Variants in MBD5 observed in about 807,000 individuals in gnomAD.
The protein encoded by MBD5 is methyl-CpG binding domain protein 5, also known as methyl-CpG-binding domain protein 5.
MBD5 carries 13 observed loss-of-function variants against 117.3 expected under a neutral mutation model. The observed-to-expected ratio is 0.11, with a 90% CI of 0.07 to 0.18. The LOEUF (loss-of-function observed/expected upper bound fraction) is 0.18, where lower values mean the gene tolerates loss of function less well. Among genes scored for constraint, MBD5 ranks in the 10% least tolerant of loss-of-function variants. The pLI is 1.00. For synonymous variants in MBD5, 727 were observed against 766.4 expected (o/e 0.95, Z 0.85); for missense variants, 1,879 against 2,093.8 (o/e 0.90, Z 2.00).
chr2:148,048,899 T>C (rs1694617151), intron 1 of MBD5, among the ~76,000 whole-genome samples: 2 of 152,134 alleles, frequency 1.3e-5, no homozygotes, highest in East Asian at 3.9e-4. Flanking sequence ...TGTCTCATCC[T>C]GGGATGTTGG....
intron 4 of MBD5, among the ~76,000 whole-genome samples, chr2:148,431,297 A>G (rs1327295892): frequency 6.6e-6 from 1 of 152,158 alleles, no homozygotes; most frequent in African/African-American, 2.4e-5. Flanking sequence ...AATTAGACCA[A>G]TAAATATTAC....
At chr2:148,423,368 A>G (rs1261997334) in intron 4 of MBD5, among the ~76,000 whole-genome samples, 1 of 152,208 alleles carries the variant, frequency 6.6e-6, no homozygotes, top group African/African-American at 2.4e-5. Context: ...TTACATTTCA[A>G]TAAAATATTT....
At chr2:148,228,891 T>C (rs1185813208) in intron 2 of MBD5, among the ~76,000 whole-genome samples, 1 of 152,234 alleles carries the variant, frequency 6.6e-6, no homozygotes, top group Admixed American at 6.5e-5. Flanking sequence ...TCTAATTTAT[T>C]TGCATAGAGG....
chr2:148,403,057 G>A (rs1016555869), intron 4 of MBD5, among the ~76,000 whole-genome samples: 1 of 151,740 alleles, frequency 6.6e-6, no homozygotes, highest in Non-Finnish European at 1.5e-5. Flanking sequence ...CTCATCTAGT[G>A]TATTTTTATC....
At chr2:148,197,255 A>T (rs1454208572) in intron 2 of MBD5, among the ~76,000 whole-genome samples, 1 of 152,176 alleles carries the variant, frequency 6.6e-6, no homozygotes, top group Non-Finnish European at 1.5e-5. Context: ...CTGCAACCAC[A>T]CCAAGCATGT....
chr2:148,260,930 G>A (rs1412255379), intron 3 of MBD5, among the ~76,000 whole-genome samples: 3 of 152,138 alleles, frequency 2.0e-5, no homozygotes, highest in Non-Finnish European at 4.4e-5. Flanking sequence ...AAACACATTC[G>A]TCTCTTTGTA....
intron 4 of MBD5, among the ~76,000 whole-genome samples, chr2:148,366,895 A>G (rs1703718886): frequency 6.6e-6 from 1 of 152,150 alleles, no homozygotes; most frequent in African/African-American, 2.4e-5. Context: ...AAAATGGGCC[A>G]TAGTATGCAA....
At chr2:148,049,589 T>C (rs1230894261) in intron 1 of MBD5, among the ~76,000 whole-genome samples, 1 of 152,196 alleles carries the variant, frequency 6.6e-6, no homozygotes, top group African/African-American at 2.4e-5. Flanking sequence ...ATTTAAATCA[T>C]TTTAGAGCAT....
intron 1 of MBD5, among the ~76,000 whole-genome samples, chr2:148,042,007 T>A (rs1488827852): frequency 6.6e-6 from 1 of 152,210 alleles, no homozygotes; most frequent in Non-Finnish European, 1.5e-5. Context: ...AGAAAAGCTC[T>A]GGCCACCTAA....
intron 1 of MBD5, among the ~76,000 whole-genome samples, chr2:148,067,948 G>A (rs1695249437): frequency 6.6e-6 from 1 of 152,168 alleles, no homozygotes; most frequent in Admixed American, 6.5e-5. Flanking sequence ...CATTGCTTAT[G>A]GTAGAAATAA....
chr2:148,384,450 T>G (rs1006068230), intron 4 of MBD5, among the ~76,000 whole-genome samples: 100 of 151,982 alleles, frequency 6.6e-4, no homozygotes, highest in Middle Eastern at 3.4e-3. Flanking sequence ...CACTGCTCAA[T>G]GAAATAAAAG....
chr2:148,021,486 GCTGCTGCTGCTACTGCTGCTGCTGCTA>G lies in MBD5; in HGVS notation c.-1111_-1085del, dbSNP rs970689941. ...TGTTGCTGCTGCTGCTGCTGTTGCT[GCTGCTGCTGCTACTGCTGCTGCTGCTA>G]CTGCTGCTGCTTGGCCCTGGCTGGA... is the stretch of plus-strand genomic sequence containing the variant. On this transcript the variant is annotated 5_prime_UTR_variant, in exon 1 of 14. Coordinates refer to ENST00000642680, the MANE Select transcript of MBD5 (RefSeq NM_001378120.1). 2.1e-5 allele frequency: 12 copies of G among 577,158 alleles called. No individual in the cohort carries two copies. The highest frequency in any genetic ancestry group is 4.5e-5 in the East Asian group (1 of 22,386). The allele number at this position is 577,158 out of a possible 1,614,324, so 35.8% of individuals were successfully genotyped here.
At chr2:148,205,213 G>A (rs530159566) in intron 2 of MBD5, among the ~76,000 whole-genome samples, 3 of 151,922 alleles carry the variant, frequency 2.0e-5, no homozygotes, top group African/African-American at 7.2e-5. Flanking sequence ...AGTAGCTGGG[G>A]ATTACAGGCA....
intron 1 of MBD5, among the ~76,000 whole-genome samples, chr2:148,177,814 C>T (rs62183924): frequency 0.088 from 13,328 of 152,046 alleles, 649 homozygotes; most frequent in South Asian, 0.14. Flanking sequence ...ACTGAAAAAC[C>T]GACATCTGCA....
chr2:148,237,121 A>G (rs1290610674), intron 3 of MBD5, among the ~76,000 whole-genome samples: 1 of 152,208 alleles, frequency 6.6e-6, no homozygotes, highest in Non-Finnish European at 1.5e-5. Flanking sequence ...GCTTAAATAA[A>G]TGTTGTAGTC....
At chr2:148,408,872 A>G (rs1705164397) in intron 4 of MBD5, among the ~76,000 whole-genome samples, 1 of 152,132 alleles carries the variant, frequency 6.6e-6, no homozygotes, top group Non-Finnish European at 1.5e-5. Flanking sequence ...CAGTATAGCA[A>G]CCAGTCACAT....
intron 1 of MBD5, among the ~76,000 whole-genome samples, chr2:148,092,699 A>G (rs1209021614): frequency 6.6e-6 from 1 of 152,074 alleles, no homozygotes; most frequent in Non-Finnish European, 1.5e-5. Flanking sequence ...AAGACTACAC[A>G]TTGGGTACAG....
Position 148,469,966 on chromosome 2 carries a change from A to G in MBD5, c.2023A>G (p.Met675Val), listed in dbSNP as rs1310880610. 1.2e-6 allele frequency: 2 copies of G among 1,613,958 alleles called. No individual in the cohort carries two copies. The highest frequency in any genetic ancestry group is 1.1e-5 in the South Asian group (1 of 91,082). ...GTTGAGTTTGCTCAGACAGTCTCAA[A>G]TGGATAGTTCTGCAGTTCCTAAACC... is the stretch of plus-strand genomic sequence containing the variant. ...TVLSLLRQSQ[M>V]DSSAVPKPGP... Residue 675 changes from methionine (M) to valine (V), a missense_variant, in exon 8 of 14, where the codon ATG (methionine) becomes GTG (valine). By Grantham distance (21) the Met-to-Val change is conservative. Around this residue, in one of 4 missense-constraint regions of MBD5, gnomAD observed 1,666 missense variants for 1,792.2 expected, o/e 0.93. Transcript: ENST00000642680.
rs543189912 is a variant in MBD5 at position 148,021,617 on chromosome 2, C to T, written c.-992C>T. The T allele has an allele frequency of 2.1e-6, 1 of 465,400 alleles. No homozygotes were observed. 28.8% of individuals were successfully genotyped at this position (465,400 alleles called of 1,614,324 possible). A position where few individuals can be genotyped will look rare whatever the true frequency, so the allele number is the denominator to read the frequency against. ...TCGCCTCCTCCTCCTCCACTCCCCC[C>T]CTTTATTACCCTTTGTGTCATCCTC... is the stretch of plus-strand genomic sequence containing the variant. On this transcript the variant is annotated 5_prime_UTR_variant, in exon 1 of 14. Coordinates refer to ENST00000642680, the MANE Select transcript of MBD5 (RefSeq NM_001378120.1).
Sources: allele counts gnomAD v4.1 joint callset (sites outside exome capture counted in the v4.1 genomes callset), GRCh38; gene constraint gnomAD v4.1.1; regional missense constraint gnomAD v4.1.1; transcripts MANE v1.5; gene names NCBI Gene and HGNC (gene_info 2026-07-23, HGNC 2026-07-21).